SLC28A3: variants seen among roughly 807,000 people sequenced by gnomAD.
SLC28A3 encodes solute carrier family 28 member 3.
A neutral mutation model predicts 84.2 loss-of-function variants in SLC28A3; 68 were observed. The observed-to-expected ratio is 0.81, with a 90% CI of 0.66 to 0.99. SLC28A3 has a LOEUF of 0.99. Among genes scored for constraint, SLC28A3 ranks in the 50% least tolerant of loss-of-function variants. The pLI, the probability that SLC28A3 is intolerant of heterozygous loss-of-function variation, is 0.00. For synonymous variants in SLC28A3, 267 were observed against 303.6 expected, an observed-to-expected ratio of 0.88 and a Z score of 1.25; for missense variants, 712 against 841.5, an observed-to-expected ratio of 0.85 and a Z score of 1.90.
chr9:84,284,324 G>A (rs1824891663), intron 14 of SLC28A3, among the ~76,000 whole-genome samples: 1 of 152,206 alleles, frequency 6.6e-6, no homozygotes, highest in African/African-American at 2.4e-5. Context: ...CCCTGCTCAT[G>A]TCAGATGTGT....
At chr9:84,294,520 T>C (rs885003) in intron 8 of SLC28A3, among the ~76,000 whole-genome samples, 30,899 of 152,120 alleles carry the variant, frequency 0.2, 4,751 homozygotes, top group African/African-American at 0.42. Context: ...GGAATGAAGT[T>C]TGGGGGGATT....
intron 15 of SLC28A3, 56 bp from the exon 16 acceptor site, chr9:84,280,129 CTT>C (rs1389151625): frequency 6.6e-7 from 1 of 1,520,996 alleles, no homozygotes; most frequent in Non-Finnish European, 9.0e-7. Context: ...GATTAAAACT[CTT>C]AGCCTCTGAA....
intron 1 of SLC28A3, among the ~76,000 whole-genome samples, chr9:84,324,164 T>C (rs1467780744): frequency 6.6e-6 from 1 of 152,168 alleles, no homozygotes; most frequent in Non-Finnish European, 1.5e-5. Flanking sequence ...ACCATGTAAA[T>C]AGACCGGTGC....
At chr9:84,356,404 G>T in the SLC28A3 span, among the ~76,000 whole-genome samples, 1 of 152,164 alleles carries the variant, frequency 6.6e-6, no homozygotes, top group African/African-American at 2.4e-5. Flanking sequence ...GGGGAGAAAG[G>T]TGACGCACAC....
chr9:84,301,592 G>T (rs914838978), intron 5 of SLC28A3, among the ~76,000 whole-genome samples: 1 of 152,188 alleles, frequency 6.6e-6, no homozygotes. Flanking sequence ...TAAATAAATT[G>T]TAAAGAGAAT....
At chr9:84,286,671 A>G (rs774091601) in intron 12 of SLC28A3, among the ~76,000 whole-genome samples, 2 of 152,196 alleles carry the variant, frequency 1.3e-5, no homozygotes, top group Non-Finnish European at 2.9e-5. Context: ...GAGAATAGTT[A>G]TAAAATACAA....
chr9:84,305,407 T>A, intron 3 of SLC28A3, 62 bp from the exon 4 acceptor site: 2 of 1,348,062 alleles, frequency 1.5e-6, no homozygotes, highest in Middle Eastern at 1.8e-4. Context: ...ATAAACTGCA[T>A]GGTGAGGCTA....
intron 3 of SLC28A3, 106 bp downstream of exon 3, chr9:84,309,523 C>CAAAAAAAAAAAAAAAAAAAAAAAAAAAA (rs71366931): frequency 4.5e-6 from 1 of 220,264 alleles, no homozygotes; most frequent in African/African-American, 5.5e-5. Flanking sequence ...ACTCTTATCT[C>CAAAAAAAAAAAAAAAAAAAAAAAAAAAA]AAAAAAAAAA....
chr9:84,354,175 T>A, the SLC28A3 span, among the ~76,000 whole-genome samples: 346 of 152,358 alleles, frequency 2.3e-3, 1 homozygote, highest in African/African-American at 7.8e-3. Context: ...CTGGACTGGC[T>A]CTTTCTCTTT....
chr9:84,331,872 G>A (rs557237027), intron 1 of SLC28A3, among the ~76,000 whole-genome samples: 2 of 152,280 alleles, frequency 1.3e-5, no homozygotes, highest in East Asian at 3.9e-4. Context: ...TCTGAGTTTG[G>A]AAAAATCTTT....
At chr9:84,283,156 T>C (rs1824825685) in intron 14 of SLC28A3, among the ~76,000 whole-genome samples, 1 of 152,202 alleles carries the variant, frequency 6.6e-6, no homozygotes, top group Non-Finnish European at 1.5e-5. Context: ...GATACACAGA[T>C]GTGGCCATGA....
At position 84,278,352 on chromosome 9, in the gene SLC28A3, A is replaced by G. The variant is rs1461032597; in HGVS notation, c.1950-8T>C. On this transcript the variant is annotated splice_polypyrimidine_tract_variant and splice_region_variant and intron_variant, in intron 17 of 17. Coordinates refer to ENST00000376238, the MANE Select transcript of SLC28A3 (RefSeq NM_001199633.2). Reference sequence around the variant, plus strand: ...GGACCCTTGGCAACAGTGCTGGTGGAAAGTGGAAAGAAACAGTTACATGAG... The same window carrying G: ...GGACCCTTGGCAACAGTGCTGGTGGGAAGTGGAAAGAAACAGTTACATGAG... The G allele has an allele frequency of 7.4e-6, 12 of 1,613,622 alleles. No homozygotes were observed. The highest frequency in any genetic ancestry group is 1.0e-5 in the Non-Finnish European group (12 of 1,179,884).
At chr9:84,366,158 T>C in the SLC28A3 span, among the ~76,000 whole-genome samples, 10 of 152,110 alleles carry the variant, frequency 6.6e-5, no homozygotes, top group African/African-American at 2.4e-4. Context: ...TTTCTTCTGC[T>C]TGATCAATTC....
intron 1 of SLC28A3, among the ~76,000 whole-genome samples, chr9:84,329,535 G>A (rs1054354411): frequency 6.6e-6 from 1 of 152,036 alleles, no homozygotes; most frequent in African/African-American, 2.4e-5. Flanking sequence ...ACAATTTGGG[G>A]AAAACTTATA....
intron 4 of SLC28A3, among the ~76,000 whole-genome samples, chr9:84,303,380 G>C (rs1340727364): frequency 6.6e-6 from 1 of 152,182 alleles, no homozygotes; most frequent in Non-Finnish European, 1.5e-5. Context: ...AAGTGCAATG[G>C]TGCGATCTCG....
chr9:84,281,032 CT>C, intron 14 of SLC28A3, 150 bp from the exon 15 acceptor site: 1 of 708,864 alleles, frequency 1.4e-6, no homozygotes, highest in African/African-American at 1.8e-5. Context: ...CCCTAGACCT[CT>C]TTTACCATCT....
chr9:84,358,136 C>T, the SLC28A3 span, among the ~76,000 whole-genome samples: 1 of 152,110 alleles, frequency 6.6e-6, no homozygotes, highest in African/African-American at 2.4e-5. Flanking sequence ...TCTGCTGAAC[C>T]CCGATTAGCT....
At chr9:84,291,408 C>T (rs1342769051) in intron 10 of SLC28A3, among the ~76,000 whole-genome samples, 1 of 152,172 alleles carries the variant, frequency 6.6e-6, no homozygotes, top group East Asian at 1.9e-4. Flanking sequence ...ATGATCTCGG[C>T]TCACTGCAAC....
intron 3 of SLC28A3, 100 bp downstream of exon 3, chr9:84,309,523 CAAAAAA>C (rs71366931): frequency 4.3e-3 from 1,016 of 238,762 alleles, no homozygotes; most frequent in East Asian, 0.012. Context: ...ACTCTTATCT[CAAAAAA>C]AAAAAAAAAA....
Sources: gnomAD v4.1 joint callset for allele counts (sites outside exome capture counted in the v4.1 genomes callset) on GRCh38, gnomAD v4.1.1 for gene constraint, MANE v1.5 for transcripts, NCBI Gene and HGNC (gene_info 2026-07-23, HGNC 2026-07-21) for gene names.